The following TMEM68 variants were observed in gnomAD, a reference collection of about 807,000 sequenced individuals.
The protein encoded by TMEM68 is DGAT1/2-independent enzyme synthesizing storage lipids.
In TMEM68, 25 loss-of-function variants were observed where a neutral mutation model predicts 36.9. That is an observed-to-expected ratio of 0.68 (90% CI 0.49 to 0.95). The LOEUF (loss-of-function observed/expected upper bound fraction) is 0.95, where lower values mean the gene tolerates loss of function less well. TMEM68 is among the 40% of genes least tolerant of loss of function. The pLI is 0.00. For missense variants in TMEM68, 333 were observed against 392.0 expected, an observed-to-expected ratio of 0.85 and a Z score of 1.27; for synonymous variants, 131 against 124.4, an observed-to-expected ratio of 1.05 and a Z score of -0.35.
chr8:55,761,941 A>G (rs994906373), intron 3 of TMEM68: 1 of 152,168 alleles, frequency 6.6e-6, no homozygotes, highest in African/African-American at 2.4e-5. Flanking sequence ...TCTAAAAACA[A>G]AAGAGACCAA....
chr8:55,765,023 GATTGCA>G (rs1810921316), intron 1 of TMEM68, among the ~76,000 whole-genome samples: 1 of 152,134 alleles, frequency 6.6e-6, no homozygotes, highest in African/African-American at 2.4e-5. Context: ...AGCGAGCCGA[GATTGCA>G]CCATTGCACT....
Position 55,756,459 on chromosome 8 carries a change from G to A in TMEM68, c.326-48C>T, listed in dbSNP as rs111707710. On this transcript the variant is annotated intron_variant, in intron 3 of 7. Coordinates refer to ENST00000434581, the MANE Select transcript of TMEM68 (RefSeq NM_001286657.2). ...ATACTTAAAATATATTCATTAATTC[G>A]TTTACAGTAAAGGATGGTTGGTAGC... The A allele has an allele frequency of 3.2e-5, 48 of 1,493,344 alleles. 1 individual carries two copies. Among genetic ancestry groups the A allele is most frequent in the African/African-American group, 2.3e-4 (16 of 70,008 alleles). 92.5% of individuals were successfully genotyped at this position (1,493,344 alleles called of 1,614,324 possible).
rs56065552 is a variant in TMEM68 at position 55,769,322 on chromosome 8, C to CAAAAAAAA, written c.-115+3939_-115+3946dup. 2.6e-3 allele frequency among the ~76,000 whole-genome samples: 186 copies of CAAAAAAAA among 71,290 alleles called. 3 individuals carry two copies. The highest frequency in any genetic ancestry group is 5.2e-3 in the African/African-American group (91 of 17,570). 46.8% of individuals were successfully genotyped at this position (71,290 alleles called of 152,430 possible). A position where few individuals can be genotyped will look rare whatever the true frequency, so the allele number is the denominator to read the frequency against. ...CAGGGACAGAATGAGAATCCCATCTCAAAAAAAAAAAAAAAAAAAGATAGG... is the reference window on the plus strand; with the variant it reads ...CAGGGACAGAATGAGAATCCCATCTCAAAAAAAAAAAAAAAAAAAAAAAAAAAGATAGG... On this transcript the variant is annotated intron_variant, in intron 1 of 7. Transcript: ENST00000434581.
At chr8:55,749,894 A>G (rs1019268693) in intron 5 of TMEM68, among the ~76,000 whole-genome samples, 2 of 152,150 alleles carry the variant, frequency 1.3e-5, no homozygotes, top group African/African-American at 4.8e-5. Context: ...ATTTAAATTA[A>G]TTATCTGGAA....
At chr8:55,754,476 CACACACACACACACACATACAT>C (rs1810514760) in intron 4 of TMEM68, among the ~76,000 whole-genome samples, 1 of 134,922 alleles carries the variant, frequency 7.4e-6, no homozygotes. Context: ...TACACACACA[CACACACACACACACACATACAT>C]ACACACACAC....
chr8:55,759,400 A>G (rs11782055), intron 3 of TMEM68, among the ~76,000 whole-genome samples: 131,021 of 151,686 alleles, frequency 0.86, 56,722 homozygotes, highest in East Asian at 0.99. Flanking sequence ...GTGAAACCCC[A>G]TCTCTACTAA....
chr8:55,755,843 T>G (rs539639637), intron 4 of TMEM68, among the ~76,000 whole-genome samples: 8 of 152,058 alleles, frequency 5.3e-5, no homozygotes, highest in African/African-American at 1.9e-4. Context: ...TTGAGAATAT[T>G]CAGACTTCAC....
Position 55,740,143 on chromosome 8 carries a change from G to A in TMEM68, c.964C>T (p.Arg322Cys). 1 of 1,612,218 alleles carries A rather than the reference G, an allele frequency of 6.2e-7. No homozygotes were observed. The highest frequency in any genetic ancestry group is 8.5e-7 in the Non-Finnish European group (1 of 1,179,142). ...TTGACCCTTTGTTATCAATGAAAAC[G>A]TTCTAACAAAGCACTCATAATGTTT... ...PGNIMSALLE[R>C]FH The change falls in exon 8 of 8, where the codon CGT (arginine) becomes TGT (cysteine). Residue 322 changes from arginine to cysteine, a missense_variant. By Grantham distance (180) the Arg-to-Cys change is radical. Transcript: ENST00000434581.
intron 6 of TMEM68, among the ~76,000 whole-genome samples, chr8:55,744,603 G>A (rs772290234): frequency 5.9e-5 from 9 of 151,910 alleles, no homozygotes; most frequent in Admixed American, 2.6e-4. Context: ...CACCGCTCCC[G>A]GCCGCTACAA....
chr8:55,759,826 G>C (rs899523080), intron 3 of TMEM68, among the ~76,000 whole-genome samples: 1 of 152,112 alleles, frequency 6.6e-6, no homozygotes, highest in African/African-American at 2.4e-5. Flanking sequence ...TTACATGTGG[G>C]GGAAAAACTT....
chr8:55,755,470 C>T (rs1000667405), intron 4 of TMEM68, among the ~76,000 whole-genome samples: 1 of 151,932 alleles, frequency 6.6e-6, no homozygotes, highest in African/African-American at 2.4e-5. Context: ...CGGGGTTTCA[C>T]CATGTTGGCC....
At chr8:55,744,732 G>A (rs1339365646) in intron 6 of TMEM68, among the ~76,000 whole-genome samples, 1 of 152,160 alleles carries the variant, frequency 6.6e-6, no homozygotes, top group Non-Finnish European at 1.5e-5. Flanking sequence ...AACTTCTGGG[G>A]TGAGTTAAAA....
intron 5 of TMEM68, chr8:55,750,739 C>T (rs1810406854): frequency 2.5e-6 from 1 of 395,344 alleles, no homozygotes; most frequent in Admixed American, 4.6e-5. Flanking sequence ...GGGGTTTCAT[C>T]ATGTTGGCCA....
intron 1 of TMEM68, among the ~76,000 whole-genome samples, chr8:55,768,156 A>C: frequency 6.6e-6 from 1 of 152,176 alleles, no homozygotes; most frequent in Non-Finnish European, 1.5e-5. Context: ...AAAAAAAAAA[A>C]AAATGATAAT....
At chr8:55,759,860 A>G (rs914628807) in intron 3 of TMEM68, among the ~76,000 whole-genome samples, 2 of 152,244 alleles carry the variant, frequency 1.3e-5, no homozygotes, top group South Asian at 4.1e-4. Context: ...GAACTAGACT[A>G]CAAGAAAATC....
chr8:55,764,887 A>G (rs1404299063), intron 1 of TMEM68, among the ~76,000 whole-genome samples: 7 of 152,210 alleles, frequency 4.6e-5, no homozygotes, highest in Non-Finnish European at 1.5e-5. Context: ...AGCCTGACCA[A>G]CATGGTGAAA....
chr8:55,756,139 A>G, intron 4 of TMEM68, 105 bp downstream of exon 4: 1 of 979,740 alleles, frequency 1.0e-6, no homozygotes, highest in Non-Finnish European at 1.4e-6. Flanking sequence ...CTAAAAGGCA[A>G]AAAGCTTTTT....
In TMEM68 at chr8:55,767,022, AT is replaced by A. The variant is rs1585734828; in HGVS notation, c.-114-3043del. ...CATGTGACCTAGCAAGTACTTAAAT[AT>A]CTTTCTGCCTCAGTTTCTTCATTTG... On this transcript the variant is annotated intron_variant, in intron 1 of 7. Coordinates refer to ENST00000434581, the MANE Select transcript of TMEM68 (RefSeq NM_001286657.2). Among the ~76,000 whole-genome samples, 5 of 151,304 alleles carry A rather than the reference AT, an allele frequency of 3.3e-5. No individual in the cohort carries two copies. In the East Asian group the frequency reaches 9.8e-4, roughly 30 times the overall value.
At chr8:55,754,689 A>ATATATAAAATACATACTTATATATAT (rs1434137234) in intron 4 of TMEM68, among the ~76,000 whole-genome samples, 1 of 129,118 alleles carries the variant, frequency 7.7e-6, no homozygotes, top group African/African-American at 3.0e-5. Flanking sequence ...AATATATATT[A>ATATATAAAATACATACTTATATATAT]TATATGAAAT....
Sources: allele counts gnomAD v4.1 joint callset (sites outside exome capture counted in the v4.1 genomes callset), GRCh38; gene constraint gnomAD v4.1.1; transcripts MANE v1.5; gene names NCBI Gene and HGNC (gene_info 2026-07-23, HGNC 2026-07-21).